KAZN: variants seen among roughly 807,000 people sequenced by gnomAD.
KAZN encodes kazrin, periplakin interacting protein, also known as kazrin.
In KAZN, 40 loss-of-function variants were observed where a neutral mutation model predicts 87.4. The ratio of observed to expected loss-of-function variants is 0.46; its 90% CI spans 0.36 to 0.60. The LOEUF (loss-of-function observed/expected upper bound fraction) is 0.60. Ranked by LOEUF, KAZN falls within the 20% of genes least tolerant of loss-of-function variation. The probability of loss-of-function intolerance (pLI) is 0.00; values close to 1 mark genes in which losing one functional copy is unlikely to be tolerated. For missense variants in KAZN, 898 were observed against 1,073.9 expected (o/e 0.84, Z 2.29); for synonymous variants, 466 against 458.3 (o/e 1.02, Z -0.22).
chr1:14,082,730 C>T (rs898174975), intron 1 of KAZN, among the ~76,000 whole-genome samples: 8 of 152,166 alleles, frequency 5.3e-5, no homozygotes, highest in African/African-American at 1.9e-4. Flanking sequence ...CTTGTGCTTT[C>T]CTAGCTGATC....
At position 14,923,112 on chromosome 1, in the gene KAZN, T is replaced by C. The variant is rs540519300; in HGVS notation, c.227-37572T>C. On this transcript the variant is annotated intron_variant, in intron 1 of 14. Transcript: ENST00000376030. The surrounding 1 kb of genome is among the most constrained non-coding windows in gnomAD (Gnocchi z 4.2). The stretch of plus-strand genomic sequence containing the variant: ...CTGGGCCAGTGGGAGCCTCAGATTA[T>C]AGAGCCAAGCCTGGGCAGGGTAAGG... Among the ~76,000 whole-genome samples the C allele has an allele frequency of 1.4e-4, 21 of 152,280 alleles. No individual in the cohort carries two copies. The highest frequency in any genetic ancestry group is 3.9e-4 in the Admixed American group (6 of 15,300).
chr1:14,737,549 G>A (rs148441624), intron 1 of KAZN, among the ~76,000 whole-genome samples: 1 of 152,324 alleles, frequency 6.6e-6, no homozygotes, highest in Non-Finnish European at 1.5e-5. Flanking sequence ...TGCACACTGG[G>A]CAGCTTATGA....
At chr1:15,060,819 C>A (rs1638728597) in intron 6 of KAZN, 1 of 156,040 alleles carries the variant, frequency 6.4e-6, no homozygotes, top group African/African-American at 2.4e-5. Flanking sequence ...GGCAAAGGCC[C>A]TAGCTGCCTA....
chr1:14,678,224 T>C (rs932292541), intron 1 of KAZN, among the ~76,000 whole-genome samples: 3 of 152,154 alleles, frequency 2.0e-5, no homozygotes, highest in Non-Finnish European at 4.4e-5. Context: ...GCCAATCAGC[T>C]GCCAGCGCGA....
chr1:14,733,440 C>T (rs999185441), intron 1 of KAZN, among the ~76,000 whole-genome samples: 10 of 152,186 alleles, frequency 6.6e-5, no homozygotes, highest in Non-Finnish European at 1.0e-4. Context: ...CAGCCACCGC[C>T]GCTGCAACAC....
intron 1 of KAZN, among the ~76,000 whole-genome samples, chr1:14,805,939 C>G (rs528540042): frequency 6.6e-6 from 1 of 152,170 alleles, no homozygotes; most frequent in South Asian, 2.1e-4. Context: ...CAAGATAATA[C>G]AATTAAAGAA....
At chr1:14,395,380 G>T (rs1662809350) in intron 2 of KAZN, among the ~76,000 whole-genome samples, 1 of 152,118 alleles carries the variant, frequency 6.6e-6, no homozygotes, top group Non-Finnish European at 1.5e-5. Context: ...TGTCCTGGTA[G>T]GAAGAGATGG....
At chr1:14,641,765 A>G (rs1680425209) in intron 1 of KAZN, among the ~76,000 whole-genome samples, 1 of 152,204 alleles carries the variant, frequency 6.6e-6, no homozygotes, top group Non-Finnish European at 1.5e-5. Flanking sequence ...GTTCCATTAC[A>G]CTTGGACACG....
intron 2 of KAZN, among the ~76,000 whole-genome samples, chr1:14,213,698 T>C (rs767881081): frequency 4.6e-5 from 7 of 152,172 alleles, no homozygotes; most frequent in Non-Finnish European, 8.8e-5. Flanking sequence ...CAAAGAATTA[T>C]GTGATTTGAC....
At chr1:14,682,274 A>T (rs1640712664) in intron 1 of KAZN, among the ~76,000 whole-genome samples, 1 of 148,690 alleles carries the variant, frequency 6.7e-6, no homozygotes, top group Non-Finnish European at 1.5e-5. Context: ...CAAGGTTAAG[A>T]CATGGGTCAG....
intron 2 of KAZN, among the ~76,000 whole-genome samples, chr1:14,421,679 A>G (rs1378708296): frequency 6.6e-6 from 1 of 152,202 alleles, no homozygotes; most frequent in African/African-American, 2.4e-5. Context: ...CTGTTGAACA[A>G]GCGTCTTTAT....
chr1:14,353,959 A>T (rs1362392465), intron 2 of KAZN, among the ~76,000 whole-genome samples: 1 of 152,236 alleles, frequency 6.6e-6, no homozygotes, highest in Non-Finnish European at 1.5e-5. Context: ...CAAATGCCAT[A>T]GAATTTCTAA....
chr1:14,512,912 G>T (rs1670993636), intron 2 of KAZN, among the ~76,000 whole-genome samples: 1 of 152,246 alleles, frequency 6.6e-6, no homozygotes, highest in South Asian at 2.1e-4. Context: ...CCTGCTGAGA[G>T]AAGTAGCGTC....
chr1:14,329,546 A>G (rs566476760), intron 2 of KAZN, among the ~76,000 whole-genome samples: 22 of 152,310 alleles, frequency 1.4e-4, no homozygotes, highest in African/African-American at 5.3e-4. Flanking sequence ...GTGCAATTGG[A>G]TGATCTGGGA....
At chr1:13,996,108 G>A (rs1022519162) in intron 1 of KAZN, among the ~76,000 whole-genome samples, 2 of 152,020 alleles carry the variant, frequency 1.3e-5, no homozygotes, top group African/African-American at 2.4e-5. Flanking sequence ...AGAGCCACAC[G>A]GGGCAGGGGA....
chr1:14,432,304 T>C (rs1221608988), intron 2 of KAZN, among the ~76,000 whole-genome samples: 1 of 152,170 alleles, frequency 6.6e-6, no homozygotes, highest in Non-Finnish European at 1.5e-5. Flanking sequence ...AAAATTGTAA[T>C]TTTTTTCACC....
At chr1:14,874,321 G>T (rs984402385) in intron 1 of KAZN, among the ~76,000 whole-genome samples, 2 of 152,212 alleles carry the variant, frequency 1.3e-5, no homozygotes, top group Non-Finnish European at 2.9e-5. Context: ...GAAGTGACAT[G>T]TGTCCGGAAG....
chr1:14,449,350 G>T (rs920698390), intron 2 of KAZN, among the ~76,000 whole-genome samples: 5 of 152,118 alleles, frequency 3.3e-5, no homozygotes, highest in Non-Finnish European at 1.5e-5. Flanking sequence ...CTACCACTTT[G>T]CTTTAGTTGT....
At chr1:14,094,726 T>C (rs536225085) in intron 1 of KAZN, among the ~76,000 whole-genome samples, 1 of 152,324 alleles carries the variant, frequency 6.6e-6, no homozygotes, top group East Asian at 1.9e-4. Context: ...GTAGTGGAAG[T>C]GAATATCACA....
Sources: allele counts gnomAD v4.1 joint callset (sites outside exome capture counted in the v4.1 genomes callset), GRCh38; gene constraint gnomAD v4.1.1; non-coding constraint Gnocchi (gnomAD v3.1); transcripts MANE v1.5; gene names NCBI Gene and HGNC (gene_info 2026-07-23, HGNC 2026-07-21).